Variants in ZFAT observed in about 807,000 individuals in gnomAD.
ZFAT encodes the protein zinc finger and AT-hook domain containing.
Under a neutral mutation model 117.7 loss-of-function variants are expected in ZFAT, and 64 were observed. The observed-to-expected ratio is 0.54, with a 90% confidence interval of 0.44 to 0.67. The LOEUF (loss-of-function observed/expected upper bound fraction) is 0.67, where lower values mean the gene tolerates loss of function less well. Among genes scored for constraint, ZFAT ranks in the 30% least tolerant of loss-of-function variants. ZFAT has a pLI of 0.00. For missense variants in ZFAT, 1,433 were observed against 1,584.5 expected (o/e 0.90, Z 1.62); for synonymous variants, 679 against 615.0 (o/e 1.10, Z -1.54).
intron 10 of ZFAT, among the ~76,000 whole-genome samples, chr8:134,566,149 C>T (rs1824443954): frequency 6.6e-6 from 1 of 152,120 alleles, no homozygotes; most frequent in South Asian, 2.1e-4. Context: ...AATCCCAGCA[C>T]TTTGGGAGGC....
chr8:134,677,991 G>C (rs200200140), intron 1 of ZFAT, among the ~76,000 whole-genome samples: 3 of 152,046 alleles, frequency 2.0e-5, no homozygotes, highest in Non-Finnish European at 2.9e-5. Context: ...AGCCAATATC[G>C]TATTGAATGG....
At chr8:134,787,803 T>TA in the ZFAT span, among the ~76,000 whole-genome samples, 446 of 150,640 alleles carry the variant, frequency 3.0e-3, no homozygotes, top group Non-Finnish European at 4.3e-3. Context: ...TATTTAGAAT[T>TA]AAAAAAAAAA....
chr8:134,673,284 TAAAAA>T (rs1028460845), intron 1 of ZFAT: 39 of 152,314 alleles, frequency 2.6e-4, no homozygotes, highest in African/African-American at 9.4e-4. Context: ...AGTAGAGGAG[TAAAAA>T]CACTGCTATC....
At chr8:134,582,582 T>G (rs1169989397) in intron 10 of ZFAT, among the ~76,000 whole-genome samples, 1 of 151,686 alleles carries the variant, frequency 6.6e-6, no homozygotes, top group East Asian at 1.9e-4. Flanking sequence ...TCATTGTATT[T>G]TTAATTTTGA....
rs564244780 is a variant in ZFAT at position 134,503,934 on chromosome 8, G to A, written c.3492+5685C>T. Among the ~76,000 whole-genome samples, 95 of 144,480 alleles carry A rather than the reference G, an allele frequency of 6.6e-4. 1 individual carries two copies. Among genetic ancestry groups the A allele is most frequent in the Middle Eastern group, 7.0e-3 (2 of 284 alleles). 94.8% of individuals were successfully genotyped at this position (144,480 alleles called of 152,430 possible). On this transcript the variant is annotated intron_variant, in intron 15 of 15. Transcript: ENST00000377838. Reference sequence around the variant, plus strand: ...AACACAAACACACACACACACACACGCACACGCACACGAACACACACACAC... The same window carrying A: ...AACACAAACACACACACACACACACACACACGCACACGAACACACACACAC...
rs568485629 is a variant in ZFAT, at chr8:134,574,680, C to G, written c.2887+9152G>C. 2.0e-5 allele frequency among the ~76,000 whole-genome samples: 3 copies of G among 152,088 alleles called. No individual in the cohort carries two copies. The East Asian group carries it at 5.8e-4, about 30-fold the overall frequency. ...GAAGTATCTGCTAAATTAAATCATCCTTGCCAAATCAAATTTTATGTGCAC... is the reference window on the plus strand; with the variant it reads ...GAAGTATCTGCTAAATTAAATCATCGTTGCCAAATCAAATTTTATGTGCAC... On this transcript the variant is annotated intron_variant, in intron 10 of 15. Transcript: ENST00000377838.
intron 11 of ZFAT, among the ~76,000 whole-genome samples, chr8:134,552,670 G>C (rs952894560): frequency 2.6e-5 from 4 of 152,216 alleles, no homozygotes; most frequent in African/African-American, 9.6e-5. Context: ...GGCTACAGAA[G>C]AGAAGGCCAG....
intron 15 of ZFAT, among the ~76,000 whole-genome samples, chr8:134,492,228 C>T (rs543535623): frequency 3.8e-4 from 58 of 152,254 alleles, no homozygotes; most frequent in African/African-American, 1.2e-3. Context: ...CTAGATGGCT[C>T]AACTGGTCTC....
At chr8:134,525,372 G>A (rs933878088) in intron 12 of ZFAT, among the ~76,000 whole-genome samples, 4 of 152,194 alleles carry the variant, frequency 2.6e-5, no homozygotes, top group Admixed American at 1.3e-4. Flanking sequence ...CTTAGGCAAC[G>A]AAAGAGCTGA....
chr8:134,739,299 GTGTGT>G, the ZFAT span, among the ~76,000 whole-genome samples: 1 of 151,598 alleles, frequency 6.6e-6, no homozygotes, highest in African/African-American at 2.4e-5. Flanking sequence ...GTGTGTGTGT[GTGTGT>G]GTGTGTGTGT....
Position 134,654,978 on chromosome 8 carries a change from A to AG in ZFAT, c.196+2582_196+2583insC, listed in dbSNP as rs144470784. ...GTCCTGCAGCCCCACTTGGGACCAA[A>AG]AAGTGTTCCTCAGGGTGACCCCAAG... On this transcript the variant is annotated intron_variant, in intron 2 of 15. Coordinates refer to ENST00000377838, the MANE Select transcript of ZFAT (RefSeq NM_020863.4). Among the ~76,000 whole-genome samples the AG allele has an allele frequency of 2.3e-3, 354 of 152,314 alleles. 1 individual carries two copies. The highest frequency in any genetic ancestry group is 8.2e-3 in the African/African-American group (342 of 41,566).
intron 11 of ZFAT, among the ~76,000 whole-genome samples, chr8:134,553,097 T>G (rs1014773781): frequency 6.6e-6 from 1 of 152,192 alleles, no homozygotes; most frequent in Non-Finnish European, 1.5e-5. Context: ...AGAATCACAC[T>G]TTTTGAAAGC....
At chr8:134,575,734 T>G (rs116136534) in intron 10 of ZFAT, among the ~76,000 whole-genome samples, 2 of 152,204 alleles carry the variant, frequency 1.3e-5, no homozygotes, top group African/African-American at 4.8e-5. Context: ...CGCTTCTCCA[T>G]GTAGCCCAGC....
At chr8:134,803,902 G>C in the ZFAT span, among the ~76,000 whole-genome samples, 3 of 151,966 alleles carry the variant, frequency 2.0e-5, no homozygotes, top group African/African-American at 7.3e-5. Context: ...ATCTTTTGGT[G>C]GTTTAATCAT....
At chr8:134,624,169 C>T (rs1586838171) in intron 3 of ZFAT, among the ~76,000 whole-genome samples, 1 of 136,286 alleles carries the variant, frequency 7.3e-6, no homozygotes, top group African/African-American at 2.8e-5. Flanking sequence ...CGTGCAGGCA[C>T]ATGTGCACAT....
In ZFAT at chr8:134,590,319, A is replaced by G. The variant is rs1826369375; in HGVS notation, c.2512T>C (p.Ser838Pro). The G allele has an allele frequency of 6.2e-7, 1 of 1,613,314 alleles. No homozygotes were observed. Among genetic ancestry groups the G allele is most frequent in the African/African-American group, 1.3e-5 (1 of 74,934 alleles). ...TTTATCAATCGATCCTCTGAAAAAG[A>G]CTTTTCACAAACAGGACAAGAATAA... ...RSYSCPVCEK[S>P]FSEDRLIKSH... The change falls in exon 8 of 16, where the codon TCT becomes CCT. Residue 838 changes from serine to proline, a missense_variant. Around this residue, in one of 5 missense-constraint regions of ZFAT, gnomAD observed 503 missense variants for 543.4 expected, o/e 0.93. Transcript: ENST00000377838.
chr8:134,524,889 C>T (rs1820916580), intron 12 of ZFAT, among the ~76,000 whole-genome samples: 2 of 152,222 alleles, frequency 1.3e-5, no homozygotes, highest in African/African-American at 2.4e-5. Context: ...CTTCCACTAA[C>T]TGGGCAGTTA....
At chr8:134,654,397 A>C (rs1330889292) in intron 2 of ZFAT, among the ~76,000 whole-genome samples, 3 of 152,216 alleles carry the variant, frequency 2.0e-5, no homozygotes, top group African/African-American at 7.2e-5. Context: ...CGCCCAGTAG[A>C]AGCACCAAAG....
At chr8:134,675,532 C>T (rs1423384213) in intron 1 of ZFAT, among the ~76,000 whole-genome samples, 1 of 152,176 alleles carries the variant, frequency 6.6e-6, no homozygotes, top group African/African-American at 2.4e-5. Flanking sequence ...AAACACTCTG[C>T]AGGATATTAT....
Sources: allele counts gnomAD v4.1 joint callset (sites outside exome capture counted in the v4.1 genomes callset), GRCh38; gene constraint gnomAD v4.1.1; regional missense constraint gnomAD v4.1.1; transcripts MANE v1.5; gene names NCBI Gene and HGNC (gene_info 2026-07-23, HGNC 2026-07-21).